MYT1L: variants seen among roughly 807,000 people sequenced by gnomAD.
The protein encoded by MYT1L is myelin transcription factor 1 like, also known as myelin transcription factor 1-like protein.
Under a neutral mutation model 126.7 loss-of-function variants are expected in MYT1L, and 12 were observed. The ratio of observed to expected loss-of-function variants is 0.09; its 90% CI spans 0.06 to 0.15. The LOEUF is 0.15. Among genes scored for constraint, MYT1L ranks in the 10% least tolerant of loss-of-function variants. The pLI, the probability that MYT1L is intolerant of heterozygous loss-of-function variation, is 1.00. For missense variants in MYT1L, 979 were observed against 1,585.2 expected, an observed-to-expected ratio of 0.62 and a Z score of 6.49; for synonymous variants, 541 against 604.2, an observed-to-expected ratio of 0.90 and a Z score of 1.53.
At chr2:2,254,545 G>C (rs559697283) in intron 2 of MYT1L, among the ~76,000 whole-genome samples, 2 of 152,326 alleles carry the variant, frequency 1.3e-5, no homozygotes, top group African/African-American at 4.8e-5. Context: ...AGTGGTTGTT[G>C]TGAAGATTAG....
rs1048098611 is a variant in MYT1L at position 1,790,753 on chromosome 2, G to A, written c.*1114C>T. On this transcript the variant is annotated 3_prime_UTR_variant, in exon 25 of 25. Transcript: ENST00000647738. Reference sequence around the variant, plus strand: ...TCCCACCAGATCCAGCAGAAAACTCGGTCCAGTAACTAGAAGACTCACAAA... The same window carrying A: ...TCCCACCAGATCCAGCAGAAAACTCAGTCCAGTAACTAGAAGACTCACAAA... The A allele has an allele frequency of 1.3e-5, 2 of 154,752 alleles. No individual in the cohort carries two copies. The highest frequency in any genetic ancestry group is 2.4e-5 in the African/African-American group (1 of 41,416). The allele number at this position is 154,752 out of a possible 1,614,324, so 9.6% of individuals were successfully genotyped here. A position where few individuals can be genotyped will look rare whatever the true frequency, so the allele number is the denominator to read the frequency against.
chr2:2,098,703 A>G (rs950590112), intron 3 of MYT1L, among the ~76,000 whole-genome samples: 1 of 152,236 alleles, frequency 6.6e-6, no homozygotes, highest in Non-Finnish European at 1.5e-5. Flanking sequence ...AAAGCAAACA[A>G]AAGAAAAAAA....
At chr2:2,198,855 A>G (rs925684828) in intron 2 of MYT1L, among the ~76,000 whole-genome samples, 1 of 152,192 alleles carries the variant, frequency 6.6e-6, no homozygotes, top group African/African-American at 2.4e-5. Context: ...CAAAAAAAAT[A>G]AAATTAAAAT....
intron 3 of MYT1L, among the ~76,000 whole-genome samples, chr2:2,112,922 T>C (rs1431078504): frequency 6.6e-6 from 1 of 152,200 alleles, no homozygotes; most frequent in Non-Finnish European, 1.5e-5. Context: ...AATGCTGATC[T>C]CCTCTGCAGA....
At chr2:2,060,350 T>C (rs1366513453) in intron 3 of MYT1L, among the ~76,000 whole-genome samples, 1 of 152,240 alleles carries the variant, frequency 6.6e-6, no homozygotes, top group Non-Finnish European at 1.5e-5. Flanking sequence ...TTAATATTCA[T>C]GATATATGAA....
intron 13 of MYT1L, among the ~76,000 whole-genome samples, chr2:1,908,034 C>G (rs1318240352): frequency 6.6e-6 from 1 of 152,254 alleles, no homozygotes; most frequent in Non-Finnish European, 1.5e-5. Flanking sequence ...ACTAGCGTCT[C>G]TTTCTTCTTG....
intron 5 of MYT1L, among the ~76,000 whole-genome samples, chr2:1,996,191 G>A (rs1053103670): frequency 2.0e-5 from 3 of 152,222 alleles, no homozygotes; most frequent in African/African-American, 7.2e-5. Flanking sequence ...GAGTGCTGCT[G>A]TTTATTTAGT....
intron 1 of MYT1L, among the ~76,000 whole-genome samples, chr2:2,299,543 C>T (rs977243226): frequency 6.6e-6 from 1 of 152,212 alleles, no homozygotes; most frequent in African/African-American, 2.4e-5. Context: ...AAATTTGCTC[C>T]TTCACTCAAG....
At chr2:1,891,894 G>T in intron 15 of MYT1L, 143 bp downstream of exon 15, 2 of 1,382,896 alleles carry the variant, frequency 1.4e-6, no homozygotes, top group Non-Finnish European at 1.9e-6. Flanking sequence ...TGCACTAATT[G>T]TTCACAGTGG....
At chr2:1,845,574 C>T (rs12621685) in intron 19 of MYT1L, among the ~76,000 whole-genome samples, 53,208 of 151,844 alleles carry the variant, frequency 0.35, 9,625 homozygotes, top group East Asian at 0.66. Flanking sequence ...CTGCTGGTCA[C>T]GGCCCCATTG....
chr2:2,006,668 T>C (rs1038902644), intron 4 of MYT1L, among the ~76,000 whole-genome samples: 4 of 152,060 alleles, frequency 2.6e-5, no homozygotes, highest in Non-Finnish European at 5.9e-5. Flanking sequence ...CTCTGCCTCC[T>C]GGGTTCAAGT....
chr2:1,888,966 A>G (rs551017041), intron 16 of MYT1L, among the ~76,000 whole-genome samples: 71 of 152,352 alleles, frequency 4.7e-4, no homozygotes, highest in Non-Finnish European at 8.1e-4. Flanking sequence ...TGCTATTTAT[A>G]CGTTTTCTTA....
chr2:1,900,944 G>A (rs186256530), intron 14 of MYT1L, among the ~76,000 whole-genome samples: 125 of 152,284 alleles, frequency 8.2e-4, no homozygotes, highest in East Asian at 5.8e-4. Flanking sequence ...ATGTGATGGC[G>A]CCACAGAGTG....
At chr2:1,833,981 G>A (rs1011089655) in intron 21 of MYT1L, among the ~76,000 whole-genome samples, 10 of 152,196 alleles carry the variant, frequency 6.6e-5, no homozygotes, top group East Asian at 1.9e-4. Flanking sequence ...ACCCGGGGCC[G>A]GGAGTGGGCT....
intron 3 of MYT1L, among the ~76,000 whole-genome samples, chr2:2,109,485 CCTCAGAAT>C (rs948146046): frequency 2.2e-4 from 33 of 152,082 alleles, no homozygotes; most frequent in African/African-American, 8.0e-4. Flanking sequence ...ACCTGCCGGG[CCTCAGAAT>C]CTCAAAGTAC....
At chr2:2,008,933 A>C (rs1208270342) in intron 4 of MYT1L, among the ~76,000 whole-genome samples, 1 of 152,132 alleles carries the variant, frequency 6.6e-6, no homozygotes, top group Non-Finnish European at 1.5e-5. Flanking sequence ...GGTTTATTGA[A>C]GGGACTGTCC....
intron 3 of MYT1L, among the ~76,000 whole-genome samples, chr2:2,138,168 G>A (rs1486716581): frequency 7.9e-5 from 12 of 152,018 alleles, no homozygotes; most frequent in African/African-American, 2.9e-4. Context: ...CAGTTAGAAT[G>A]GCAATCATTA....
At chr2:1,881,188 C>G (rs982532997) in intron 18 of MYT1L, among the ~76,000 whole-genome samples, 3 of 152,182 alleles carry the variant, frequency 2.0e-5, no homozygotes, top group South Asian at 4.1e-4. Flanking sequence ...GGACCCTCCC[C>G]ACTTGTAGCC....
At chr2:1,970,403 G>A (rs1247414107) in intron 8 of MYT1L, among the ~76,000 whole-genome samples, 2 of 152,214 alleles carry the variant, frequency 1.3e-5, no homozygotes, top group Non-Finnish European at 2.9e-5. Flanking sequence ...TGGGTGTGGT[G>A]AGAGGACTCT....
Sources: gnomAD v4.1 joint callset for allele counts (sites outside exome capture counted in the v4.1 genomes callset) on GRCh38, gnomAD v4.1.1 for gene constraint, MANE v1.5 for transcripts, NCBI Gene and HGNC (gene_info 2026-07-23, HGNC 2026-07-21) for gene names.